Variants in ZCWPW2 observed in about 807,000 individuals in gnomAD.
The protein encoded by ZCWPW2 is zinc finger CW-type and PWWP domain containing 2.
ZCWPW2 carries 45 observed loss-of-function variants against 46.6 expected under a neutral mutation model. The ratio of observed to expected loss-of-function variants is 0.96; its 90% CI spans 0.76 to 1.24. ZCWPW2 has a LOEUF of 1.24. Among genes scored for constraint, ZCWPW2 ranks in the 50% most tolerant of loss-of-function variants. ZCWPW2 has a pLI of 0.00. For synonymous variants in ZCWPW2, 152 were observed against 137.1 expected (o/e 1.11, Z -0.76); for missense variants, 429 against 403.9 (o/e 1.06, Z -0.53).
Position 28,502,319 on chromosome 3 carries a change from C to A in ZCWPW2, c.657+10146C>A, listed in dbSNP as rs111939698. 4.3e-3 allele frequency among the ~76,000 whole-genome samples: 651 copies of A among 152,128 alleles called. 5 individuals carry two copies. The highest frequency in any genetic ancestry group is 0.017 in the Middle Eastern group (5 of 294). ...TTTATACACCATTTATGAAGGCAAGCAAAGAATCCCTTGCTTCAGAATACC... is the reference window on the plus strand; with the variant it reads ...TTTATACACCATTTATGAAGGCAAGAAAAGAATCCCTTGCTTCAGAATACC... On this transcript the variant is annotated intron_variant, in intron 6 of 9. Transcript: ENST00000383768.
chr3:28,459,144 G>C (rs113772353), intron 4 of ZCWPW2, among the ~76,000 whole-genome samples: 1,599 of 152,254 alleles, frequency 0.011, 40 homozygotes, highest in African/African-American at 0.037. Context: ...GCCATGGCGG[G>C]TGGATCATGA....
chr3:28,364,123 A>G (rs1443918376), intron 1 of ZCWPW2, among the ~76,000 whole-genome samples: 1 of 152,244 alleles, frequency 6.6e-6, no homozygotes, highest in Non-Finnish European at 1.5e-5. Flanking sequence ...AAAGACTGAT[A>G]GTATCAACTA....
At chr3:28,471,325 C>A (rs1422276043) in intron 4 of ZCWPW2, among the ~76,000 whole-genome samples, 16 of 152,140 alleles carry the variant, frequency 1.1e-4, no homozygotes, top group African/African-American at 3.6e-4. Flanking sequence ...AGGCCAGTAT[C>A]TCTGATGAAT....
In ZCWPW2 at chr3:28,381,462, G is replaced by C. The variant is rs188166431; in HGVS notation, c.-133-9036G>C. Among the ~76,000 whole-genome samples, 3 of 152,158 alleles carry C rather than the reference G, an allele frequency of 2.0e-5. No individual in the cohort carries two copies. The East Asian group carries it at 5.8e-4, about 29-fold the overall frequency. On this transcript the variant is annotated intron_variant, in intron 1 of 9. Coordinates refer to ENST00000383768, the MANE Select transcript of ZCWPW2 (RefSeq NM_001040432.4). Reference sequence around the variant, plus strand: ...TCCTTACTGTCTTTATGTTGAGTAGGCTGAGGGTTGGTTTTGCTGTTTCAG... The same window carrying C: ...TCCTTACTGTCTTTATGTTGAGTAGCCTGAGGGTTGGTTTTGCTGTTTCAG...
chr3:28,490,371 T>A (rs1484027128), intron 5 of ZCWPW2, among the ~76,000 whole-genome samples: 1 of 152,146 alleles, frequency 6.6e-6, no homozygotes, highest in Non-Finnish European at 1.5e-5. Context: ...CATGCACACA[T>A]ATGTTCATTG....
intron 2 of ZCWPW2, among the ~76,000 whole-genome samples, chr3:28,408,378 A>C (rs1166753820): frequency 6.6e-6 from 1 of 152,164 alleles, no homozygotes; most frequent in Non-Finnish European, 1.5e-5. Flanking sequence ...GAGTGACAGT[A>C]ATTACTTTCT....
chr3:28,474,636 C>CGT (rs1239619960), intron 4 of ZCWPW2, among the ~76,000 whole-genome samples: 1 of 151,190 alleles, frequency 6.6e-6, no homozygotes, highest in Non-Finnish European at 1.5e-5. Flanking sequence ...CGCGCGCGCG[C>CGT]GCACATGCGC....
At chr3:28,413,527 T>C in intron 3 of ZCWPW2, 127 bp downstream of exon 3, 1 of 814,040 alleles carries the variant, frequency 1.2e-6, no homozygotes, top group South Asian at 2.8e-5. Context: ...ATTGCTCTTT[T>C]CCATACTTCT....
At chr3:28,467,440 G>A (rs2125793535) in intron 4 of ZCWPW2, among the ~76,000 whole-genome samples, 1 of 150,014 alleles carries the variant, frequency 6.7e-6, no homozygotes, top group Middle Eastern at 3.4e-3. Context: ...AATATAAATG[G>A]CTTTTAAAAA....
intron 4 of ZCWPW2, among the ~76,000 whole-genome samples, chr3:28,445,123 G>A (rs1428087795): frequency 6.6e-6 from 1 of 151,020 alleles, no homozygotes; most frequent in Non-Finnish European, 1.5e-5. Flanking sequence ...ATTAGTCAGG[G>A]TTCTCTAGAG....
At chr3:28,380,086 T>C (rs1694980363) in intron 1 of ZCWPW2, among the ~76,000 whole-genome samples, 2 of 151,946 alleles carry the variant, frequency 1.3e-5, no homozygotes, top group African/African-American at 4.8e-5. Context: ...GGGTTCACAC[T>C]GTTCTCCTGC....
chr3:28,391,822 TGCCACCCCAGGACCAG>T (rs1021790751), intron 2 of ZCWPW2, among the ~76,000 whole-genome samples: 5 of 152,062 alleles, frequency 3.3e-5, no homozygotes, highest in Non-Finnish European at 5.9e-5. Context: ...GCCACTATTT[TGCCACCCCAGGACCAG>T]GCCACCACCC....
At chr3:28,349,711 A>T (rs927145829) in intron 1 of ZCWPW2, among the ~76,000 whole-genome samples, 1 of 152,174 alleles carries the variant, frequency 6.6e-6, no homozygotes, top group Non-Finnish European at 1.5e-5. Flanking sequence ...ACTCTAAGGT[A>T]TTATTGGTTA....
intron 2 of ZCWPW2, among the ~76,000 whole-genome samples, chr3:28,394,846 T>C (rs1346965807): frequency 6.6e-6 from 1 of 152,088 alleles, no homozygotes; most frequent in Non-Finnish European, 1.5e-5. Context: ...ACATTTGTCT[T>C]GGCAATAATT....
intron 1 of ZCWPW2, among the ~76,000 whole-genome samples, chr3:28,374,190 A>C (rs1300821191): frequency 1.3e-5 from 2 of 152,030 alleles, no homozygotes; most frequent in Non-Finnish European, 2.9e-5. Context: ...TAGGACACTA[A>C]TTTTATTCTT....
rs138025698 is a variant in ZCWPW2, at chr3:28,352,534, A to C, written c.-134+3331A>C. ...TTTAGAAAGTAAATGACTGTGATGAATGAGTAGTTAACTCTTTGGCAAAAT... is the reference window on the plus strand; with the variant it reads ...TTTAGAAAGTAAATGACTGTGATGACTGAGTAGTTAACTCTTTGGCAAAAT... On this transcript the variant is annotated intron_variant, in intron 1 of 9. Transcript: ENST00000383768. 2.5e-3 allele frequency among the ~76,000 whole-genome samples: 384 copies of C among 152,322 alleles called. 1 individual carries two copies. The highest frequency in any genetic ancestry group is 8.4e-3 in the African/African-American group (349 of 41,572).
At chr3:28,523,548 G>A (rs1469767625) in intron 9 of ZCWPW2, among the ~76,000 whole-genome samples, 1 of 152,040 alleles carries the variant, frequency 6.6e-6, no homozygotes, top group Non-Finnish European at 1.5e-5. Flanking sequence ...TTAAAGTCCT[G>A]AGCATGTTGA....
chr3:28,447,950 G>A (rs1299058722), intron 4 of ZCWPW2: 5 of 707,000 alleles, frequency 7.1e-6, no homozygotes, highest in Non-Finnish European at 1.2e-5. Context: ...CATGTCAGCA[G>A]GCCCTATGGT....
chr3:28,371,344 AACT>A (rs1705327921), intron 1 of ZCWPW2, among the ~76,000 whole-genome samples: 1 of 152,194 alleles, frequency 6.6e-6, no homozygotes, highest in South Asian at 2.1e-4. Context: ...AAACAAGAAC[AACT>A]GGGGATTTAC....
Sources: allele counts gnomAD v4.1 joint callset (sites outside exome capture counted in the v4.1 genomes callset), GRCh38; gene constraint gnomAD v4.1.1; transcripts MANE v1.5; gene names NCBI Gene and HGNC (gene_info 2026-07-23, HGNC 2026-07-21).